Variants in SPATA13 observed in about 807,000 individuals in gnomAD.
The protein encoded by SPATA13 is spermatogenesis associated 13, also known as spermatogenesis-associated protein 13.
Under a neutral mutation model 104.0 loss-of-function variants are expected in SPATA13, and 50 were observed. That is an observed-to-expected ratio of 0.48 (90% CI 0.38 to 0.61). The LOEUF (loss-of-function observed/expected upper bound fraction) is 0.61, where lower values mean the gene tolerates loss of function less well. SPATA13 is among the 20% of genes least tolerant of loss of function. SPATA13 has a pLI of 0.00. For missense variants in SPATA13, 1,524 were observed against 1,690.6 expected (o/e 0.90, Z 1.73); for synonymous variants, 606 against 667.5 (o/e 0.91, Z 1.42).
chr13:24,141,451 T>G lies in SPATA13; in HGVS notation c.-111-81368T>G, dbSNP rs973066066. ...TGCCTTTTCCTGCTTCCCTCCCACC[T>G]GCTGTGCCTGACAGGGTCCTACTTA... On this transcript the variant is annotated intron_variant, in intron 3 of 14. Transcript: ENST00000424834. Among the ~76,000 whole-genome samples the G allele has an allele frequency of 6.6e-5, 10 of 152,236 alleles. No individual in the cohort carries two copies. The South Asian group carries it at 1.7e-3, about 25-fold the overall frequency.
chr13:23,994,064 G>A (rs564701172), intron 2 of SPATA13, among the ~76,000 whole-genome samples: 25 of 150,816 alleles, frequency 1.7e-4, no homozygotes, highest in East Asian at 7.8e-4. Flanking sequence ...ACGCATTGGC[G>A]TCACAGCCTG....
chr13:24,185,676 G>A (rs111234977), intron 1 of SPATA13, among the ~76,000 whole-genome samples: 89 of 151,772 alleles, frequency 5.9e-4, no homozygotes, highest in African/African-American at 2.0e-3. Context: ...CATAATTGAA[G>A]GTTTCTCAAT....
intron 3 of SPATA13, among the ~76,000 whole-genome samples, chr13:24,132,108 GCCCTTCT>G (rs1881405451): frequency 6.6e-6 from 1 of 152,166 alleles, no homozygotes; most frequent in Non-Finnish European, 1.5e-5. Flanking sequence ...GTTTCCCTTT[GCCCTTCT>G]CCCTTCTCCC....
intron 1 of SPATA13, among the ~76,000 whole-genome samples, chr13:24,166,656 T>C (rs1401290553): frequency 1.3e-5 from 2 of 152,234 alleles, no homozygotes; most frequent in African/African-American, 2.4e-5. Flanking sequence ...AAATTAGTTC[T>C]GTGAGTGGGG....
At chr13:24,112,987 A>G (rs975013684) in intron 3 of SPATA13, among the ~76,000 whole-genome samples, 5 of 152,196 alleles carry the variant, frequency 3.3e-5, no homozygotes, top group African/African-American at 1.2e-4. Flanking sequence ...TACTGTAATG[A>G]GTCACAGCCA....
chr13:23,992,100 C>T (rs1459006462), intron 2 of SPATA13, among the ~76,000 whole-genome samples: 1 of 152,288 alleles, frequency 6.6e-6, no homozygotes, highest in East Asian at 1.9e-4. Flanking sequence ...GGCCCATTTG[C>T]AGTGAGATTT....
rs560596711 is a variant in SPATA13, at chr13:23,981,731, C to T, written c.-354+1807C>T. 2.7e-3 allele frequency among the ~76,000 whole-genome samples: 410 copies of T among 152,290 alleles called. 5 individuals are homozygous for T. The highest frequency in any genetic ancestry group is 9.6e-3 in the African/African-American group (397 of 41,566). ...GTGCGGTGATAAGCCTCATGTCTCA[C>T]GGCCAGTCAGGCTCAAGATCCAAAA... On this transcript the variant is annotated intron_variant, in intron 1 of 14. Transcript: ENST00000424834.
intron 7 of SPATA13, among the ~76,000 whole-genome samples, chr13:24,288,017 C>A (rs1351858080): frequency 6.6e-6 from 1 of 152,226 alleles, no homozygotes; most frequent in Non-Finnish European, 1.5e-5. Flanking sequence ...CAGTGTTTAG[C>A]TTCTTTGTGC....
intron 3 of SPATA13, among the ~76,000 whole-genome samples, chr13:24,055,974 G>A (rs894118766): frequency 1.3e-5 from 2 of 152,194 alleles, no homozygotes; most frequent in East Asian, 3.8e-4. Flanking sequence ...GGAGACATGA[G>A]GATATTCCAT....
At chr13:23,987,403 T>G (rs1319463467) in intron 2 of SPATA13, among the ~76,000 whole-genome samples, 2 of 152,112 alleles carry the variant, frequency 1.3e-5, no homozygotes, top group Non-Finnish European at 2.9e-5. Flanking sequence ...GATGGTGGAG[T>G]TATATTCTTT....
rs540226487 is a variant in SPATA13, at chr13:24,173,497, C to T, written c.-112+12565C>T. Among the ~76,000 whole-genome samples, 3 of 146,816 alleles carry T rather than the reference C, an allele frequency of 2.0e-5. No homozygotes were observed. In the South Asian group the frequency reaches 6.5e-4, roughly 32 times the overall value. On this transcript the variant is annotated intron_variant, in intron 1 of 12. Transcript: ENST00000382108. ...TTCCCATCCATACGCCTTTTATTCC[C>T]CCCCGTCCCCCAACTTTTTTTTTTT...
intron 2 of SPATA13, among the ~76,000 whole-genome samples, chr13:24,229,160 A>G (rs1008552393): frequency 6.6e-6 from 1 of 152,222 alleles, no homozygotes; most frequent in Non-Finnish European, 1.5e-5. Flanking sequence ...TGGAGCATTC[A>G]TGCTGCTTCT....
At chr13:24,148,391 A>C (rs564048308) in intron 3 of SPATA13, among the ~76,000 whole-genome samples, 11 of 151,866 alleles carry the variant, frequency 7.2e-5, no homozygotes, top group Non-Finnish European at 1.6e-4. Context: ...AAATGCATAC[A>C]TCCCATCAGA....
chr13:24,052,321 T>G (rs1164897369), intron 3 of SPATA13, among the ~76,000 whole-genome samples: 2 of 152,072 alleles, frequency 1.3e-5, no homozygotes, highest in Non-Finnish European at 2.9e-5. Flanking sequence ...AGAGGATTGC[T>G]TGAGGCCAGG....
intron 3 of SPATA13, among the ~76,000 whole-genome samples, chr13:24,042,246 T>C (rs1877958889): frequency 6.6e-6 from 1 of 152,226 alleles, no homozygotes; most frequent in Non-Finnish European, 1.5e-5. Context: ...AGGGAGATAC[T>C]ATTTGCCCTG....
At chr13:24,071,606 G>C (rs1246574218) in intron 3 of SPATA13, among the ~76,000 whole-genome samples, 2 of 152,238 alleles carry the variant, frequency 1.3e-5, no homozygotes, top group Admixed American at 1.3e-4. Context: ...GCCCTCTGTA[G>C]TATGGAGCTT....
At chr13:24,300,292 T>A in intron 11 of SPATA13, 109 bp from the exon 12 acceptor site, 1 of 760,896 alleles carries the variant, frequency 1.3e-6, no homozygotes, top group Admixed American at 2.5e-5. Context: ...AGGTTCTCTG[T>A]CTCAGGTTGT....
At chr13:24,141,665 C>A (rs773773730) in intron 3 of SPATA13, among the ~76,000 whole-genome samples, 47 of 152,184 alleles carry the variant, frequency 3.1e-4, no homozygotes, top group South Asian at 1.5e-3. Context: ...CAGCCCAGCG[C>A]CTGCCACGCA....
chr13:24,113,141 C>T (rs9580876), intron 3 of SPATA13, among the ~76,000 whole-genome samples: 137 of 152,328 alleles, frequency 9.0e-4, no homozygotes, highest in African/African-American at 3.2e-3. Flanking sequence ...GGACAATGTC[C>T]ACTTTAAGTT....
Sources: allele counts gnomAD v4.1 joint callset (sites outside exome capture counted in the v4.1 genomes callset), GRCh38; gene constraint gnomAD v4.1.1; transcripts MANE v1.5; gene names NCBI Gene and HGNC (gene_info 2026-07-23, HGNC 2026-07-21).